The following DLGAP2 variants were observed in gnomAD, a reference collection of about 807,000 sequenced individuals.
The protein encoded by DLGAP2 is disks large-associated protein 2.
Under a neutral mutation model 100.3 loss-of-function variants are expected in DLGAP2, and 26 were observed. The ratio of observed to expected loss-of-function variants is 0.26; its 90% CI spans 0.19 to 0.36. DLGAP2 has a LOEUF of 0.36. Ranked by LOEUF, DLGAP2 falls within the 10% of genes least tolerant of loss-of-function variation. The pLI, the probability that DLGAP2 is intolerant of heterozygous loss-of-function variation, is 1.00. For missense variants in DLGAP2, 1,858 were observed against 1,453.2 expected (o/e 1.28, Z -4.53); for synonymous variants, 886 against 630.1 (o/e 1.41, Z -6.08).
chr8:953,354 C>T (rs528144058), intron 2 of DLGAP2, among the ~76,000 whole-genome samples: 22 of 152,132 alleles, frequency 1.4e-4, no homozygotes, highest in South Asian at 6.2e-4. Flanking sequence ...TCACCACGCC[C>T]GGCTAATTTT....
intron 2 of DLGAP2, among the ~76,000 whole-genome samples, chr8:1,233,705 A>G (rs1417123419): frequency 6.6e-6 from 1 of 152,198 alleles, no homozygotes; most frequent in Admixed American, 6.5e-5. Flanking sequence ...TGTGTTGAGC[A>G]CATGTCAGTT....
chr8:1,066,292 T>A (rs914835724), intron 2 of DLGAP2, among the ~76,000 whole-genome samples: 1 of 148,054 alleles, frequency 6.8e-6, no homozygotes, highest in African/African-American at 2.5e-5. Context: ...CACGGTCAGG[T>A]CTGAGCGAGG....
At chr8:1,068,099 G>A (rs1016956687) in intron 2 of DLGAP2, among the ~76,000 whole-genome samples, 14 of 152,182 alleles carry the variant, frequency 9.2e-5, no homozygotes, top group Admixed American at 7.9e-4. Context: ...TTTGTAATGT[G>A]CATTTACGGT....
At chr8:1,242,749 C>T (rs73529859) in intron 2 of DLGAP2, among the ~76,000 whole-genome samples, 7,686 of 152,072 alleles carry the variant, frequency 0.051, 670 homozygotes, top group African/African-American at 0.18. Context: ...GACAGATGGA[C>T]GGATGGATGG....
intron 2 of DLGAP2, among the ~76,000 whole-genome samples, chr8:1,201,857 G>A (rs1222670209): frequency 2.0e-5 from 3 of 151,828 alleles, no homozygotes; most frequent in Non-Finnish European, 4.4e-5. Context: ...GTATGTGTAC[G>A]GTATCTATCT....
At chr8:1,447,456 A>C (rs186594419) in intron 3 of DLGAP2, among the ~76,000 whole-genome samples, 1 of 152,318 alleles carries the variant, frequency 6.6e-6, no homozygotes, top group African/African-American at 2.4e-5. Context: ...ATGGTGGATA[A>C]GCTTTTTGAT....
At chr8:1,251,550 C>T (rs879069491) in intron 2 of DLGAP2, among the ~76,000 whole-genome samples, 1 of 152,202 alleles carries the variant, frequency 6.6e-6, no homozygotes, top group Admixed American at 6.5e-5. Context: ...GATTCTACCT[C>T]GACCTCCCAG....
At chr8:1,482,610 G>GCGGCTTGCT (rs1254076511) in intron 3 of DLGAP2, among the ~76,000 whole-genome samples, 1 of 152,252 alleles carries the variant, frequency 6.6e-6, no homozygotes, top group African/African-American at 2.4e-5. Context: ...CACGGGGTGG[G>GCGGCTTGCT]CGGCTTGCTC....
chr8:1,615,487 C>G (rs1021711624), intron 6 of DLGAP2, among the ~76,000 whole-genome samples: 1 of 152,274 alleles, frequency 6.6e-6, no homozygotes, highest in East Asian at 1.9e-4. Flanking sequence ...GATGGTAGAA[C>G]TCACCAGAAA....
intron 3 of DLGAP2, among the ~76,000 whole-genome samples, chr8:1,449,663 C>G (rs961800220): frequency 1.3e-5 from 2 of 152,312 alleles, no homozygotes; most frequent in South Asian, 2.1e-4. Context: ...TTGGAAAGGT[C>G]AAGGCTTCAG....
intron 1 of DLGAP2, among the ~76,000 whole-genome samples, chr8:758,054 A>T (rs1273012742): frequency 6.6e-6 from 1 of 152,124 alleles, no homozygotes; most frequent in Non-Finnish European, 1.5e-5. Context: ...TGAAATGGAG[A>T]TGATGGTAAT....
chr8:1,162,150 T>C (rs552152763), intron 2 of DLGAP2, among the ~76,000 whole-genome samples: 1 of 152,278 alleles, frequency 6.6e-6, no homozygotes, highest in South Asian at 2.1e-4. Flanking sequence ...CAGGAAGCCC[T>C]CCCGGCAGCA....
At chr8:1,185,662 C>G (rs1367032012) in intron 2 of DLGAP2, among the ~76,000 whole-genome samples, 1 of 151,888 alleles carries the variant, frequency 6.6e-6, no homozygotes, top group Non-Finnish European at 1.5e-5. Context: ...GAAACCAAGG[C>G]TAGTGGAAGA....
At chr8:1,268,771 T>C (rs1431366208) in intron 3 of DLGAP2, among the ~76,000 whole-genome samples, 1 of 152,240 alleles carries the variant, frequency 6.6e-6, no homozygotes, top group African/African-American at 2.4e-5. Flanking sequence ...TTCCCAATTA[T>C]GCACCTCATG....
At chr8:1,670,676 T>C (rs1035788148) in intron 10 of DLGAP2, among the ~76,000 whole-genome samples, 1 of 152,202 alleles carries the variant, frequency 6.6e-6, no homozygotes, top group African/African-American at 2.4e-5. Context: ...AAGTCACCTT[T>C]CATGGCAGTA....
At chr8:1,523,224 G>A (rs893189951) in intron 4 of DLGAP2, among the ~76,000 whole-genome samples, 3 of 152,210 alleles carry the variant, frequency 2.0e-5, no homozygotes, top group South Asian at 2.1e-4. Context: ...GCATGAAGAT[G>A]TAGCTCCCTC....
At position 1,676,765 on chromosome 8, in the gene DLGAP2, C is replaced by A. The variant is rs1010518098; in HGVS notation, c.2288+147C>A. Reference sequence around the variant, plus strand: ...TACGTTTATACTTTTCCATTGATAACCCTCAAGTATGAATTAACACCCGCC... The same window carrying A: ...TACGTTTATACTTTTCCATTGATAAACCTCAAGTATGAATTAACACCCGCC... On this transcript the variant is annotated intron_variant, in intron 11 of 14. Transcript: ENST00000637795. 16 of 774,758 alleles carry A rather than the reference C, an allele frequency of 2.1e-5. No individual in the cohort carries two copies. In the Admixed American group the frequency reaches 2.5e-4, roughly 12 times the overall value. The allele number at this position is 774,758 out of a possible 1,614,324, so 48.0% of individuals were successfully genotyped here. A position where few individuals can be genotyped will look rare whatever the true frequency, so the allele number is the denominator to read the frequency against.
At chr8:1,391,042 G>T (rs371847055) in intron 3 of DLGAP2, among the ~76,000 whole-genome samples, 1 of 152,204 alleles carries the variant, frequency 6.6e-6, no homozygotes, top group Non-Finnish European at 1.5e-5. Context: ...CACGTGCCTT[G>T]GGTGAATACA....
intron 2 of DLGAP2, among the ~76,000 whole-genome samples, chr8:938,038 A>G (rs1321767223): frequency 2.0e-5 from 3 of 152,028 alleles, no homozygotes; most frequent in African/African-American, 4.8e-5. Context: ...TATTCCTTCC[A>G]CACATATCTG....
Sources: gnomAD v4.1 joint callset for allele counts (sites outside exome capture counted in the v4.1 genomes callset) on GRCh38, gnomAD v4.1.1 for gene constraint, MANE v1.5 for transcripts, NCBI Gene and HGNC (gene_info 2026-07-23, HGNC 2026-07-21) for gene names.